CCDC88A: variants seen among roughly 807,000 people sequenced by gnomAD.
CCDC88A encodes coiled-coil and HOOK domain protein 88A.
A neutral mutation model predicts 234.3 loss-of-function variants in CCDC88A; 54 were observed. That is an observed-to-expected ratio of 0.23 (90% CI 0.19 to 0.29). The LOEUF is 0.29. Among genes scored for constraint, CCDC88A ranks in the 10% least tolerant of loss-of-function variants. The pLI is 1.00. For synonymous variants in CCDC88A, 753 were observed against 737.8 expected, an observed-to-expected ratio of 1.02 and a Z score of -0.33; for missense variants, 1,832 against 2,123.4, an observed-to-expected ratio of 0.86 and a Z score of 2.70.
At chr2:55,413,770 A>C (rs1680890059) in intron 2 of CCDC88A, among the ~76,000 whole-genome samples, 2 of 151,930 alleles carry the variant, frequency 1.3e-5, no homozygotes, top group Non-Finnish European at 2.9e-5. Flanking sequence ...TGGGCAACAC[A>C]GTGAAACTCC....
chr2:55,293,683 G>A (rs1679698335), intron 31 of CCDC88A: 1 of 152,116 alleles, frequency 6.6e-6, no homozygotes, highest in Admixed American at 6.5e-5. Flanking sequence ...TTCCTTCCAG[G>A]TGCCAGGCTG....
intron 3 of CCDC88A, among the ~76,000 whole-genome samples, chr2:55,376,155 T>C (rs1378524321): frequency 6.6e-6 from 1 of 152,204 alleles, no homozygotes; most frequent in East Asian, 1.9e-4. Flanking sequence ...AAATACATTG[T>C]ATCTGCCATT....
intron 3 of CCDC88A, among the ~76,000 whole-genome samples, chr2:55,381,375 C>T (rs1270944139): frequency 2.0e-5 from 3 of 152,016 alleles, no homozygotes; most frequent in East Asian, 3.9e-4. Context: ...TGGCAAAACC[C>T]TGTCTCAACA....
chr2:55,387,812 A>G (rs13034512), intron 3 of CCDC88A, among the ~76,000 whole-genome samples: 1 of 151,440 alleles, frequency 6.6e-6, no homozygotes, highest in South Asian at 2.1e-4. Flanking sequence ...AAAAGAAAAA[A>G]GAAAAAAAAA....
At chr2:55,400,260 A>G (rs1410924316) in intron 2 of CCDC88A, among the ~76,000 whole-genome samples, 2 of 152,202 alleles carry the variant, frequency 1.3e-5, no homozygotes, top group Non-Finnish European at 2.9e-5. Context: ...TTCTAAAATA[A>G]AAGATGAGCT....
At chr2:55,416,456 A>G (rs1681461367) in intron 2 of CCDC88A, among the ~76,000 whole-genome samples, 1 of 81,554 alleles carries the variant, frequency 1.2e-5, no homozygotes. Flanking sequence ...ATATATATAT[A>G]TATATATATA....
intron 19 of CCDC88A, among the ~76,000 whole-genome samples, chr2:55,318,552 G>T (rs565403966): frequency 5.7e-4 from 86 of 152,212 alleles, no homozygotes; most frequent in Middle Eastern, 6.8e-3. Context: ...ATAGTATGCT[G>T]CAAGCATACT....
intron 2 of CCDC88A, among the ~76,000 whole-genome samples, chr2:55,414,730 T>G (rs1244905552): frequency 6.6e-6 from 1 of 152,092 alleles, no homozygotes; most frequent in African/African-American, 2.4e-5. Flanking sequence ...ATTAATCAAT[T>G]TTCTTAGTCT....
rs367582957 is a variant in CCDC88A at position 55,295,651 on chromosome 2, T to G, written c.5497A>C (p.Ile1833Leu). ...DFLTKDSRLP[I>L]SVDSPPAAAD... ...GCAGCTGGTGGTGAATCAACTGATA[T>G]AGGCAGTCTACTGTCCTTGGTCAAA... The change falls in exon 31 of 33, where the codon ATA (isoleucine) becomes CTA (leucine). Residue 1833 changes from isoleucine to leucine, a missense_variant. By Grantham distance (5) the Ile-to-Leu change is conservative. Transcript: ENST00000436346. 9.3e-6 allele frequency: 15 copies of G among 1,614,112 alleles called. No homozygotes were observed. The East Asian group carries it at 3.1e-4, about 34-fold the overall frequency.
intron 22 of CCDC88A, chr2:55,315,019 G>C (rs976984007): frequency 6.6e-6 from 1 of 152,178 alleles, no homozygotes; most frequent in Non-Finnish European, 1.5e-5. Flanking sequence ...GGTCTCTCTT[G>C]AACAGTTTTC....
intron 12 of CCDC88A, among the ~76,000 whole-genome samples, chr2:55,341,311 A>T (rs554766804): frequency 6.7e-6 from 1 of 150,240 alleles, no homozygotes; most frequent in South Asian, 2.1e-4. Flanking sequence ...CGCTCAGCAA[A>T]TTTTTTTTGT....
Position 55,309,174 on chromosome 2 carries a change from G to T in CCDC88A, c.4160C>A (p.Ser1387Tyr). ...TGGTTAATGGTACCTTCTAGGAGGAGATGGGTCATAAAATTTGTATTGATC... is the reference window on the plus strand; with the variant it reads ...TGGTTAATGGTACCTTCTAGGAGGATATGGGTCATAAAATTTGTATTGATC... ...IMDQYKFYDP[S>Y]PPRRRGNWIT... The change falls in exon 24 of 33, where the codon TCT becomes TAT. Residue 1387 changes from serine to tyrosine, a missense_variant. Physicochemically the swap from Ser to Tyr is moderately radical, Grantham distance 144 (BLOSUM62 -2). Around this residue, in one of 6 missense-constraint regions of CCDC88A, gnomAD observed 1,282 missense variants for 1,543.6 expected, o/e 0.83. Coordinates refer to ENST00000436346, the MANE Select transcript of CCDC88A (RefSeq NM_001365480.1). The surrounding 1 kb of genome is among the most constrained non-coding windows in gnomAD (Gnocchi z 5.1). The T allele has an allele frequency of 6.4e-7, 1 of 1,560,304 alleles. No individual in the cohort carries two copies. Among genetic ancestry groups the T allele is most frequent in the Non-Finnish European group, 8.8e-7 (1 of 1,138,052 alleles).
chr2:55,402,275 T>C (rs575491765), intron 2 of CCDC88A, among the ~76,000 whole-genome samples: 2 of 152,334 alleles, frequency 1.3e-5, no homozygotes, highest in South Asian at 4.1e-4. Flanking sequence ...ATAACATTCT[T>C]TCACTTCTTT....
intron 31 of CCDC88A, 168 bp downstream of exon 31, chr2:55,295,429 T>C (rs1415861986): frequency 6.4e-7 from 1 of 1,551,236 alleles, no homozygotes; most frequent in African/African-American, 1.4e-5. Context: ...ATCCTAATAG[T>C]GGCAAAAGTT....
chr2:55,395,081 A>G (rs1677305651), intron 2 of CCDC88A, among the ~76,000 whole-genome samples: 2 of 152,104 alleles, frequency 1.3e-5, no homozygotes, highest in African/African-American at 4.8e-5. Flanking sequence ...CCTGACCTCA[A>G]GTGATCTGCC....
At chr2:55,326,246 C>CG (rs1480592275) in intron 17 of CCDC88A, among the ~76,000 whole-genome samples, 16 of 151,942 alleles carry the variant, frequency 1.1e-4, no homozygotes, top group African/African-American at 2.9e-4. Flanking sequence ...CAAACCCCTG[C>CG]GCTCAAGCGA....
Position 55,418,827 on chromosome 2 carries a change from G to A in CCDC88A, c.153C>T (p.Val51=), listed in dbSNP as rs1273637488. The change falls in exon 2 of 33, where the codon GTC becomes GTT. Residue 51 remains valine, a synonymous_variant. Transcript: ENST00000436346. ...AAGGAAGAACTTACATTTGGAGCAT[G>A]ACCTGGTTCAAGAATACCCCATCCA... is the stretch of plus-strand genomic sequence containing the variant. The part of the protein sequence containing the change: ...ALVDGVFLNQ[V]MLQINPKLES... The A allele has an allele frequency of 6.2e-7, 1 of 1,612,848 alleles. No homozygotes were observed.
At chr2:55,368,132 T>A (rs986590865) in intron 5 of CCDC88A, among the ~76,000 whole-genome samples, 15 of 152,344 alleles carry the variant, frequency 9.8e-5, no homozygotes, top group African/African-American at 3.6e-4. Flanking sequence ...TTCTAGGTGA[T>A]GCTCAGAACT....
chr2:55,414,235 T>C (rs1169672430), intron 2 of CCDC88A, among the ~76,000 whole-genome samples: 1 of 152,210 alleles, frequency 6.6e-6, no homozygotes, highest in Non-Finnish European at 1.5e-5. Flanking sequence ...ATTGGACGTT[T>C]TTAAAATTTT....
Sources: allele counts gnomAD v4.1 joint callset (sites outside exome capture counted in the v4.1 genomes callset), GRCh38; gene constraint gnomAD v4.1.1; regional missense constraint gnomAD v4.1.1; non-coding constraint Gnocchi (gnomAD v3.1); transcripts MANE v1.5; gene names NCBI Gene and HGNC (gene_info 2026-07-23, HGNC 2026-07-21).